FBN2: variants seen among roughly 807,000 people sequenced by gnomAD.
FBN2 encodes fibrillin-2.
FBN2 carries 105 observed loss-of-function variants against 355.6 expected under a neutral mutation model. That is an observed-to-expected ratio of 0.30 (90% CI 0.25 to 0.35). FBN2 has a LOEUF of 0.35. Ranked by LOEUF, FBN2 falls within the 10% of genes least tolerant of loss-of-function variation. The pLI is 1.00. For missense variants in FBN2, 3,280 were observed against 3,758.7 expected (o/e 0.87, Z 3.33); for synonymous variants, 1,350 against 1,301.2 (o/e 1.04, Z -0.81).
intron 32 of FBN2, 38 bp from the exon 33 acceptor site, chr5:128,330,733 G>C: frequency 6.2e-7 from 1 of 1,609,874 alleles, no homozygotes; most frequent in Non-Finnish European, 8.5e-7. Flanking sequence ...AATGAAAATG[G>C]AACATTTAAG....
intron 62 of FBN2, among the ~76,000 whole-genome samples, chr5:128,266,907 A>C (rs1411053000): frequency 6.6e-6 from 1 of 152,038 alleles, no homozygotes; most frequent in African/African-American, 2.4e-5. Flanking sequence ...GGTTTGTTAC[A>C]TAGCCAAGTG....
At chr5:128,422,925 G>A (rs539034273) in intron 7 of FBN2, among the ~76,000 whole-genome samples, 3 of 152,090 alleles carry the variant, frequency 2.0e-5, no homozygotes, top group African/African-American at 7.2e-5. Flanking sequence ...GATGCAGCTG[G>A]TTTCAAAATA....
chr5:128,456,392 C>T (rs570892507), intron 6 of FBN2, among the ~76,000 whole-genome samples: 8 of 152,274 alleles, frequency 5.3e-5, no homozygotes, highest in South Asian at 4.1e-4. Context: ...CTGGGCAGCC[C>T]GGCCGAGTGG....
intron 32 of FBN2, among the ~76,000 whole-genome samples, chr5:128,332,528 T>TA (rs1561774872): frequency 6.6e-6 from 1 of 152,210 alleles, no homozygotes; most frequent in Non-Finnish European, 1.5e-5. Context: ...GATGACTTAC[T>TA]AAAAAATTAG....
In FBN2 at chr5:128,277,965, A is replaced by G. The variant is rs1765437244; in HGVS notation, c.7386T>C (p.Asn2462=). 1.9e-6 allele frequency: 3 copies of G among 1,613,762 alleles called. No homozygotes were observed. In the South Asian group the frequency reaches 3.3e-5, roughly 18 times the overall value. The stretch of plus-strand genomic sequence containing the variant: ...AGCCCATGGTATTGATGCACTGACC[A>G]TTGGTGCAGAGGTTTGGCATTACCT... ...ECKVMPNLCT[N]GQCINTMGSF... Residue 2462 remains asparagine (N), a synonymous_variant, in exon 58 of 65, where the codon AAT becomes AAC. Transcript: ENST00000262464.
intron 7 of FBN2, among the ~76,000 whole-genome samples, chr5:128,430,833 G>C (rs994203576): frequency 1.3e-5 from 2 of 151,904 alleles, no homozygotes; most frequent in African/African-American, 4.8e-5. Context: ...CTGGGCGACA[G>C]AGTGAAACCC....
chr5:128,344,563 T>C (rs989713479), intron 24 of FBN2, 53 bp from the exon 25 acceptor site: 2 of 1,581,934 alleles, frequency 1.3e-6, no homozygotes, highest in Non-Finnish European at 8.7e-7. Context: ...AACGATTAGG[T>C]CCATCACTTT....
Position 128,445,350 on chromosome 5 carries a change from GA to G in FBN2, c.952+1130del, listed in dbSNP as rs912247306. On this transcript the variant is annotated intron_variant, in intron 7 of 64. Coordinates refer to ENST00000262464, the MANE Select transcript of FBN2 (RefSeq NM_001999.4). ...TAAGTATACATGAACCAGGGCAAAT[GA>G]AAAAAAACAGGATAATACATGTCTC... is the stretch of plus-strand genomic sequence containing the variant. 5.3e-5 allele frequency among the ~76,000 whole-genome samples: 8 copies of G among 151,202 alleles called. No individual in the cohort carries two copies. The East Asian group carries it at 7.7e-4, about 15-fold the overall frequency.
chr5:128,509,121 G>T (rs1756043362), intron 5 of FBN2, among the ~76,000 whole-genome samples: 1 of 151,910 alleles, frequency 6.6e-6, no homozygotes, highest in Admixed American at 6.6e-5. Context: ...TCTTGGGTCT[G>T]TCAGTTTATA....
chr5:128,260,603 T>C (rs1764941242), intron 64 of FBN2, among the ~76,000 whole-genome samples: 1 of 152,206 alleles, frequency 6.6e-6, no homozygotes, highest in Non-Finnish European at 1.5e-5. Flanking sequence ...AATGGGAAAG[T>C]TTATAAGCAG....
In FBN2 at chr5:128,349,436, G is replaced by C. The variant is rs771848259; in HGVS notation, c.2900C>G (p.Pro967Arg). ...CTTACTGTTGACACAGCGTCCATTT[G>C]GACAAACGCCAGGGAACACCTCACA... ...NECEVFPGVC[P>R]NGRCVNSKGS... The change falls in exon 23 of 65, where the codon CCA becomes CGA. Residue 967 changes from proline to arginine, a missense_variant. Physicochemically the swap from Pro to Arg is moderately radical, Grantham distance 103 (BLOSUM62 -2). This residue lies in a region of FBN2 where 2,284 missense variants were observed against 2,749.5 expected (regional missense o/e 0.83). Transcript: ENST00000262464. 5.0e-6 allele frequency: 8 copies of C among 1,613,934 alleles called. No individual in the cohort carries two copies. Among genetic ancestry groups the C allele is most frequent in the Non-Finnish European group, 6.8e-6 (8 of 1,179,912 alleles).
At position 128,434,424 on chromosome 5, in the gene FBN2, A is replaced by ATATATG. The variant is rs1168426536; in HGVS notation, c.952+12056_952+12057insCATATA. Among the ~76,000 whole-genome samples, 184 of 130,398 alleles carry ATATATG rather than the reference A, an allele frequency of 1.4e-3. 4 individuals are homozygous for ATATATG. The highest frequency in any genetic ancestry group is 2.0e-3 in the Non-Finnish European group (127 of 62,558). The allele number at this position is 130,398 out of a possible 152,430, so 85.5% of individuals were successfully genotyped here. On this transcript the variant is annotated intron_variant, in intron 7 of 64. Coordinates refer to ENST00000262464, the MANE Select transcript of FBN2 (RefSeq NM_001999.4). ...TATATATATATATATATATATATAT[A>ATATATG]TGGGCAGTAAGTGACAGCACTGGCG...
intron 11 of FBN2, among the ~76,000 whole-genome samples, chr5:128,385,160 T>A (rs549008853): frequency 7.9e-5 from 12 of 152,218 alleles, no homozygotes; most frequent in African/African-American, 2.9e-4. Flanking sequence ...TCATCACCCA[T>A]GTAATAAGCC....
At chr5:128,266,025 ATGT>A (rs1765105951) in intron 62 of FBN2, among the ~76,000 whole-genome samples, 1 of 152,200 alleles carries the variant, frequency 6.6e-6, no homozygotes, top group Admixed American at 6.5e-5. Flanking sequence ...CAGATAAAAA[ATGT>A]TGGTGGCTTT....
intron 5 of FBN2, 106 bp from the exon 6 acceptor site, chr5:128,465,027 G>A (rs1754671400): frequency 9.1e-7 from 1 of 1,096,368 alleles, no homozygotes; most frequent in Non-Finnish European, 1.4e-6. Context: ...TGACCAAAGT[G>A]TCCAAAGACA....
chr5:128,436,116 T>A (rs1753762228), intron 7 of FBN2, among the ~76,000 whole-genome samples: 1 of 152,248 alleles, frequency 6.6e-6, no homozygotes, highest in African/African-American at 2.4e-5. Context: ...TGTGTTTTAC[T>A]AGTGCACGCC....
At chr5:128,303,270 A>G (rs1749771013) in intron 45 of FBN2, among the ~76,000 whole-genome samples, 181 bp from the exon 46 acceptor site, 1 of 152,216 alleles carries the variant, frequency 6.6e-6, no homozygotes, top group Non-Finnish European at 1.5e-5. Context: ...AAGAATCAAA[A>G]TTGTAAAATT....
At position 128,349,530 on chromosome 5, in the gene FBN2, G is replaced by A. The variant is rs545860540; in HGVS notation, c.2864-58C>T. On this transcript the variant is annotated intron_variant, in intron 22 of 64. Transcript: ENST00000262464. ...GATGTTACAAATAGAAAAAGCAGGT[G>A]TGGTCCTACTTCCTGTATAGCATTT... 251 of 1,584,742 alleles carry A rather than the reference G, an allele frequency of 1.6e-4. No individual in the cohort carries two copies. The African/African-American group carries it at 3.0e-3, about 19-fold the overall frequency.
intron 36 of FBN2, 105 bp downstream of exon 36, chr5:128,318,044 G>C: frequency 8.2e-7 from 1 of 1,218,330 alleles, no homozygotes; most frequent in Non-Finnish European, 1.2e-6. Context: ...ATAATGTTTT[G>C]TTTTTAAGTT....
Sources: allele counts gnomAD v4.1 joint callset (sites outside exome capture counted in the v4.1 genomes callset), GRCh38; gene constraint gnomAD v4.1.1; regional missense constraint gnomAD v4.1.1; transcripts MANE v1.5; gene names NCBI Gene and HGNC (gene_info 2026-07-23, HGNC 2026-07-21).